The following BCOR variants were observed in gnomAD, a reference collection of about 807,000 sequenced individuals.
The protein encoded by BCOR is BCL-6 corepressor.
Under a neutral mutation model 86.7 loss-of-function variants are expected in BCOR, and 10 were observed. The observed-to-expected ratio is 0.12, with a 90% CI of 0.07 to 0.20. The LOEUF (loss-of-function observed/expected upper bound fraction) is 0.20, where lower values mean the gene tolerates loss of function less well. BCOR is among the 10% of genes least tolerant of loss of function. The pLI is 1.00. For synonymous variants in BCOR, 611 were observed against 609.0 expected, an observed-to-expected ratio of 1.00 and a Z score of -0.05; for missense variants, 1,259 against 1,452.1, an observed-to-expected ratio of 0.87 and a Z score of 2.16.
At chrX:40,138,858 G>A (rs938974232) in intron 1 of BCOR, among the ~76,000 whole-genome samples, 4 of 111,013 alleles carry the variant, frequency 3.6e-5, no homozygotes, top group African/African-American at 1.3e-4. Flanking sequence ...TCTGGCCCAG[G>A]CACTATTTTA....
At chrX:40,093,714 G>C (rs1403491270) in intron 1 of BCOR, among the ~76,000 whole-genome samples, 3 of 111,548 alleles carry the variant, frequency 2.7e-5, no homozygotes, top group African/African-American at 9.8e-5. Flanking sequence ...GTGCATACCT[G>C]TACATGCTGG....
At chrX:40,128,935 ATG>A (rs200234889) in intron 1 of BCOR, among the ~76,000 whole-genome samples, 9,473 of 111,676 alleles carry the variant, frequency 0.085, 353 homozygotes, top group Middle Eastern at 0.14. Context: ...AGTACCTACT[ATG>A]TACTTGTTGC....
upstream of BCOR, among the ~76,000 whole-genome samples, chrX:40,102,716 A>C (rs1408162526): frequency 8.8e-6 from 1 of 113,141 alleles, no homozygotes; most frequent in Non-Finnish European, 1.9e-5. Flanking sequence ...ACCACCCCGA[A>C]CCCCTTCGCG....
intron 6 of BCOR, among the ~76,000 whole-genome samples, chrX:40,065,032 A>G (rs1935131227): frequency 8.9e-6 from 1 of 112,592 alleles, no homozygotes; most frequent in Admixed American, 9.4e-5. Context: ...CTGATAGGAT[A>G]AAGTGACCAA....
chrX:40,115,989 C>T (rs1056290639), intron 1 of BCOR, among the ~76,000 whole-genome samples: 82 of 110,993 alleles, frequency 7.4e-4, no homozygotes, highest in African/African-American at 2.6e-3. Flanking sequence ...TTGTCCTTAC[C>T]ATGGGAAAAG....
rs766045784 is a variant in BCOR at position 40,073,541 on chromosome X, G to C, written c.1805C>G (p.Pro602Arg). The C allele has an allele frequency of 9.1e-6, 11 of 1,210,994 alleles. No individual in the cohort carries two copies. The highest frequency in any genetic ancestry group is 1.7e-5 in the African/African-American group (1 of 57,586). The change falls in exon 4 of 15, where the codon CCG (proline) becomes CGG (arginine). Residue 602 changes from proline (P) to arginine (R), a missense_variant. Around this residue, in one of 7 missense-constraint regions of BCOR, gnomAD observed 534 missense variants for 594.8 expected, o/e 0.90. Transcript: ENST00000378444. Reference sequence around the variant, plus strand: ...GCTACTGTGCTTGGCAGGAGTGGCCGGGGGCTGGCCCACGTGCTGAATAAC... The same window carrying C: ...GCTACTGTGCTTGGCAGGAGTGGCCCGGGGCTGGCCCACGTGCTGAATAAC... ...PSVIQHVGQP[P>R]ATPAKHSSST...
intron 1 of BCOR, among the ~76,000 whole-genome samples, chrX:40,153,274 T>G (rs184964909): frequency 0.02 from 2,269 of 112,331 alleles, 47 homozygotes; most frequent in African/African-American, 0.07. Context: ...CTTCCAACCT[T>G]GGGGTGCGCG....
chrX:40,121,222 G>A (rs1158320933), intron 1 of BCOR, among the ~76,000 whole-genome samples: 1 of 111,904 alleles, frequency 8.9e-6, no homozygotes, highest in Non-Finnish European at 1.9e-5. Context: ...TCAGACCTTG[G>A]CTCTGGGCTT....
chrX:40,143,220 CTGTGTGTGTGTG>C lies in BCOR; in HGVS notation c.-41+33775_-41+33786del, dbSNP rs745604370. The stretch of plus-strand genomic sequence containing the variant: ...GGATGGCAGCAGGAATGCTGTGTGT[CTGTGTGTGTGTG>C]TGTGTGTCTGTGTGTGTTTCCTGGT... On this transcript the variant is annotated intron_variant, in intron 1 of 14. Coordinates refer to the BCOR transcript ENST00000342274. Among the ~76,000 whole-genome samples the C allele has an allele frequency of 2.0e-4, 22 of 109,677 alleles. No homozygotes were observed. The South Asian group carries it at 7.7e-3, about 38-fold the overall frequency.
At chrX:40,127,861 A>AAAATAAATAAAT (rs56092715) in intron 1 of BCOR, among the ~76,000 whole-genome samples, 378 of 85,921 alleles carry the variant, frequency 4.4e-3, no homozygotes, top group Middle Eastern at 5.7e-3. Context: ...ACCTTGTCTC[A>AAAATAAATAAAT]AAATAAATAA....
chrX:40,079,337 T>A (rs1177243259), intron 1 of BCOR, among the ~76,000 whole-genome samples: 1 of 112,357 alleles, frequency 8.9e-6, no homozygotes, highest in Non-Finnish European at 1.9e-5. Flanking sequence ...GCCAGGTCGG[T>A]TGGGTTGGAG....
intron 1 of BCOR, among the ~76,000 whole-genome samples, chrX:40,172,082 G>T (rs980191602): frequency 9.8e-5 from 11 of 112,759 alleles, no homozygotes; most frequent in African/African-American, 2.9e-4. Context: ...GGGGTTTCGC[G>T]AGCTGAAAGT....
intron 1 of BCOR, among the ~76,000 whole-genome samples, chrX:40,154,992 G>GCT (rs1231172217): frequency 9.0e-6 from 1 of 111,151 alleles, no homozygotes; most frequent in African/African-American, 3.3e-5. Context: ...GCGCGCGCGC[G>GCT]TCCTCTCCGC....
intron 1 of BCOR, among the ~76,000 whole-genome samples, chrX:40,140,454 G>T (rs1376385574): frequency 9.0e-6 from 1 of 111,146 alleles, no homozygotes; most frequent in Non-Finnish European, 1.9e-5. Flanking sequence ...AGAGATAGAT[G>T]GAGACCCCAT....
upstream of BCOR, among the ~76,000 whole-genome samples, chrX:40,099,643 G>C (rs927101745): frequency 8.9e-6 from 1 of 112,404 alleles, no homozygotes; most frequent in African/African-American, 3.2e-5. Flanking sequence ...GCTCTAGCTA[G>C]CAGATATTTT....
At chrX:40,163,725 GA>G (rs1197130288) in intron 1 of BCOR, among the ~76,000 whole-genome samples, 1 of 110,713 alleles carries the variant, frequency 9.0e-6, no homozygotes, top group Non-Finnish European at 1.9e-5. Flanking sequence ...GGGTGGATTA[GA>G]AAAGGTGATG....
At chrX:40,158,730 G>C in intron 1 of BCOR, among the ~76,000 whole-genome samples, 1 of 112,802 alleles carries the variant, frequency 8.9e-6, no homozygotes, top group East Asian at 2.8e-4. Context: ...AGGCCAGAGA[G>C]GATTTGAGAG....
intron 1 of BCOR, among the ~76,000 whole-genome samples, chrX:40,096,613 G>A (rs901099757): frequency 9.0e-6 from 1 of 111,363 alleles, no homozygotes; most frequent in African/African-American, 3.3e-5. Context: ...GGTCGAGCTC[G>A]GCTCGGCCCG....
intron 1 of BCOR, among the ~76,000 whole-genome samples, chrX:40,174,662 C>G (rs1280106526): frequency 8.9e-6 from 1 of 112,647 alleles, no homozygotes; most frequent in African/African-American, 3.2e-5. Flanking sequence ...ATAGAAACTA[C>G]AACTAAAATA....
Sources: allele counts gnomAD v4.1 joint callset (sites outside exome capture counted in the v4.1 genomes callset), GRCh38; gene constraint gnomAD v4.1.1; regional missense constraint gnomAD v4.1.1; transcripts MANE v1.5; gene names NCBI Gene and HGNC (gene_info 2026-07-23, HGNC 2026-07-21).